The following SLC6A9 variants were observed in gnomAD, a reference collection of about 807,000 sequenced individuals.
SLC6A9 encodes the protein solute carrier family 6 member 9, also known as sodium- and chloride-dependent glycine transporter 1.
SLC6A9 carries 31 observed loss-of-function variants against 70.9 expected under a neutral mutation model. The ratio of observed to expected loss-of-function variants is 0.44; its 90% CI spans 0.33 to 0.59. The LOEUF is 0.59. SLC6A9 is among the 20% of genes least tolerant of loss of function. The pLI is 0.04. For missense variants in SLC6A9, 631 were observed against 845.2 expected (o/e 0.75, Z 3.14); for synonymous variants, 310 against 341.3 (o/e 0.91, Z 1.01).
rs1290923107 is a variant in SLC6A9, at chr1:44,013,109, G to A, written c.31-2227C>T. Reference sequence around the variant, plus strand: ...TGTGCCAGCAGCACAGTACACGGATGGGGTCACAGAGCAGCAGTTACAGCT... The same window carrying A: ...TGTGCCAGCAGCACAGTACACGGATAGGGTCACAGAGCAGCAGTTACAGCT... On this transcript the variant is annotated intron_variant, in intron 2 of 13. Transcript: ENST00000372310. The surrounding 1 kb of genome is among the most constrained non-coding windows in gnomAD (Gnocchi z 5.3). 6.6e-6 allele frequency among the ~76,000 whole-genome samples: 1 copy of A among 152,226 alleles called. No homozygotes were observed. Among genetic ancestry groups the A allele is most frequent in the Non-Finnish European group, 1.5e-5 (1 of 68,038 alleles).
intron 12 of SLC6A9, among the ~76,000 whole-genome samples, chr1:43,998,331 A>G (rs1259452528): frequency 1.3e-5 from 2 of 152,166 alleles, no homozygotes; most frequent in African/African-American, 4.8e-5. Flanking sequence ...ATGGCTCCCC[A>G]TGGCTAACTG....
rs969133932 is a variant in SLC6A9, at chr1:44,010,514, C to G, written c.187+212G>C. 16 of 386,396 alleles carry G rather than the reference C, an allele frequency of 4.1e-5. No individual in the cohort carries two copies. The East Asian group carries it at 7.1e-4, about 17-fold the overall frequency. The allele number at this position is 386,396 out of a possible 1,614,324, so 23.9% of individuals were successfully genotyped here. On this transcript the variant is annotated intron_variant, in intron 3 of 13. Transcript: ENST00000372310. ...CTCTCCTCACCTCAAAGGGGGCCAACTGGCAGGGCCAGCCCCCAACAACAG... is the reference window on the plus strand; with the variant it reads ...CTCTCCTCACCTCAAAGGGGGCCAAGTGGCAGGGCCAGCCCCCAACAACAG...
intron 12 of SLC6A9, among the ~76,000 whole-genome samples, chr1:43,999,302 C>T (rs1181102250): frequency 6.6e-6 from 1 of 151,418 alleles, no homozygotes; most frequent in Non-Finnish European, 1.5e-5. Flanking sequence ...TCTAGGCTCC[C>T]CTAAAGGTAA....
At chr1:44,025,256 G>GCCAGC (rs1337736827) in intron 1 of SLC6A9, among the ~76,000 whole-genome samples, 4 of 139,786 alleles carry the variant, frequency 2.9e-5, no homozygotes, top group African/African-American at 1.3e-4. Context: ...AGGGGTCCAG[G>GCCAGC]CCAGCCCAGG....
Position 44,001,430 on chromosome 1 carries a change from A to C in SLC6A9, c.1160T>G (p.Leu387Arg). ...CAGCAGGATAAGCATGAAGAAGAAG[A>C]GCAGAGACCACAGCGGGGAGATGGG... ...LLPISPLWSLLFFFMLILLGL... is the reference protein window; with the variant it reads ...LLPISPLWSLRFFFMLILLGL... The change falls in exon 9 of 14, where the codon CTC becomes CGC. Residue 387 changes from leucine (L) to arginine (R), a missense_variant. Transcript: ENST00000372310. 6.2e-7 allele frequency: 1 copy of C among 1,613,956 alleles called. No individual in the cohort carries two copies. Among genetic ancestry groups the C allele is most frequent in the Non-Finnish European group, 8.5e-7 (1 of 1,179,884 alleles).
At position 44,018,206 on chromosome 1, in the gene SLC6A9, C is replaced by T. The variant is rs1404243549; in HGVS notation, c.30+6042G>A. Among the ~76,000 whole-genome samples the T allele has an allele frequency of 6.6e-6, 1 of 152,198 alleles. No homozygotes were observed. Among genetic ancestry groups the T allele is most frequent in the Non-Finnish European group, 1.5e-5 (1 of 68,030 alleles). ...AGTCAGATGGACACGTGCATGAATT[C>T]TGGTGTAAGAACAGCTTTCCTGTGA... On this transcript the variant is annotated intron_variant, in intron 2 of 13. Transcript: ENST00000372310. This position sits in a 1 kb window ranked among gnomAD's most constrained non-coding sequence, Gnocchi z 4.2.
At chr1:43,998,309 G>C (rs960201413) in intron 12 of SLC6A9, among the ~76,000 whole-genome samples, 4 of 152,224 alleles carry the variant, frequency 2.6e-5, no homozygotes, top group African/African-American at 9.7e-5. Flanking sequence ...GAATCAGTCA[G>C]TTCTGCTCGC....
At chr1:44,024,456 C>T (rs1434596127) in intron 1 of SLC6A9, 94 bp from the exon 2 acceptor site, 3 of 701,672 alleles carry the variant, frequency 4.3e-6, no homozygotes, top group Non-Finnish European at 7.5e-6. Flanking sequence ...CACCAGCCTG[C>T]CCAGGCCCTC....
Position 43,998,026 on chromosome 1 carries a change from C to T in SLC6A9, c.1537-1G>A, listed in dbSNP as rs753211754. On this transcript the variant is annotated splice_acceptor_variant, in intron 12 of 13. Transcript: ENST00000372310. LOFTEE classifies it high-confidence loss of function. ...GGATCACAGTGAAAACTAGAATAAACTGCACGGGGCAGGTGTGGGAGTGGG... is the reference window on the plus strand; with the variant it reads ...GGATCACAGTGAAAACTAGAATAAATTGCACGGGGCAGGTGTGGGAGTGGG... The T allele has an allele frequency of 1.9e-6, 3 of 1,609,510 alleles. No individual in the cohort carries two copies. Among genetic ancestry groups the T allele is most frequent in the African/African-American group, 2.7e-5 (2 of 74,872 alleles).
chr1:44,021,285 T>C (rs2086878344), intron 2 of SLC6A9, among the ~76,000 whole-genome samples: 2 of 148,310 alleles, frequency 1.3e-5, no homozygotes, highest in African/African-American at 5.0e-5. Context: ...GCCAGCTGGG[T>C]TCTCGCACAG....
At chr1:44,001,674 G>T in intron 8 of SLC6A9, 47 bp from the exon 9 acceptor site, 1 of 1,454,222 alleles carries the variant, frequency 6.9e-7, no homozygotes, top group Non-Finnish European at 9.5e-7. Context: ...CCCAATTTGG[G>T]CCAAGAGGAG....
chr1:44,008,653 C>G (rs760101673), intron 4 of SLC6A9, 30 bp from the exon 5 acceptor site: 19 of 1,591,870 alleles, frequency 1.2e-5, no homozygotes, highest in Non-Finnish European at 1.6e-5. Context: ...GGGGGAGGAG[C>G]CTCAGCATCC....
chr1:44,026,381 G>A (rs938377092), intron 1 of SLC6A9, among the ~76,000 whole-genome samples: 11 of 152,316 alleles, frequency 7.2e-5, no homozygotes, highest in Non-Finnish European at 2.9e-5. Flanking sequence ...CATGTCAGCT[G>A]GAAGCAGTGG....
rs1461662290 is a variant in SLC6A9, at chr1:44,018,265, AAGG to A, written c.30+5980_30+5982del. Among the ~76,000 whole-genome samples the A allele has an allele frequency of 6.6e-6, 1 of 152,146 alleles. No homozygotes were observed. Among genetic ancestry groups the A allele is most frequent in the Non-Finnish European group, 1.5e-5 (1 of 68,034 alleles). On this transcript the variant is annotated intron_variant, in intron 2 of 13. Transcript: ENST00000372310. The surrounding 1 kb of genome is among the most constrained non-coding windows in gnomAD (Gnocchi z 4.2). Reference sequence around the variant, plus strand: ...AGTGTGGCAACCCCGTAGGGAACATAAGGAGTTTTGTCAAGCACAGGATGACAT... The same window carrying A: ...AGTGTGGCAACCCCGTAGGGAACATAAGTTTTGTCAAGCACAGGATGACAT...
chr1:44,008,669 G>C, intron 4 of SLC6A9, 46 bp from the exon 5 acceptor site: 1 of 1,481,686 alleles, frequency 6.7e-7, no homozygotes, highest in South Asian at 1.1e-5. Context: ...CATCCAGCAG[G>C]AGGAGGTGAG....
intron 2 of SLC6A9, chr1:44,011,744 G>A (rs2086579571): frequency 6.2e-7 from 1 of 1,612,750 alleles, no homozygotes. Flanking sequence ...GGGGCCGAAG[G>A]TCAGGAGAGG....
At chr1:44,021,185 T>G (rs1483993893) in intron 2 of SLC6A9, among the ~76,000 whole-genome samples, 1 of 152,186 alleles carries the variant, frequency 6.6e-6, no homozygotes, top group Non-Finnish European at 1.5e-5. Context: ...CGCACGTGTA[T>G]GAGGCCCTAG....
rs988058010 is a variant in SLC6A9, at chr1:44,018,228, G to T, written c.30+6020C>A. 6.6e-6 allele frequency among the ~76,000 whole-genome samples: 1 copy of T among 152,226 alleles called. No homozygotes were observed. The highest frequency in any genetic ancestry group is 2.4e-5 in the African/African-American group (1 of 41,454). ...ATTCTGGTGTAAGAACAGCTTTCCT[G>T]TGAGTTTGGTGAGTGTGGCAACCCC... On this transcript the variant is annotated intron_variant, in intron 2 of 13. Coordinates refer to ENST00000372310, the MANE Select transcript of SLC6A9 (RefSeq NM_001024845.3). This position sits in a 1 kb window ranked among gnomAD's most constrained non-coding sequence, Gnocchi z 4.2.
intron 1 of SLC6A9, among the ~76,000 whole-genome samples, chr1:44,029,759 G>C (rs1381288088): frequency 2.0e-5 from 3 of 152,178 alleles, no homozygotes; most frequent in Admixed American, 2.0e-4. Flanking sequence ...CGCAGTCGCC[G>C]CATAGGCCAA....
Sources: allele counts gnomAD v4.1 joint callset (sites outside exome capture counted in the v4.1 genomes callset), GRCh38; gene constraint gnomAD v4.1.1; non-coding constraint Gnocchi (gnomAD v3.1); transcripts MANE v1.5; gene names NCBI Gene and HGNC (gene_info 2026-07-23, HGNC 2026-07-21).